The following GYS2 variants were observed in gnomAD, a reference collection of about 807,000 sequenced individuals.
The protein encoded by GYS2 is glycogen synthase 2.
GYS2 carries 80 observed loss-of-function variants against 85.6 expected under a neutral mutation model. The ratio of observed to expected loss-of-function variants is 0.93; its 90% CI spans 0.78 to 1.13. The LOEUF is 1.13. Among genes scored for constraint, GYS2 ranks in the 50% most tolerant of loss-of-function variants. The pLI is 0.00. For missense variants in GYS2, 881 were observed against 854.9 expected (o/e 1.03, Z -0.38); for synonymous variants, 328 against 300.7 (o/e 1.09, Z -0.94).
intron 4 of GYS2, among the ~76,000 whole-genome samples, chr12:21,572,760 T>C (rs1054028772): frequency 2.0e-5 from 3 of 152,170 alleles, no homozygotes; most frequent in Non-Finnish European, 2.9e-5. Flanking sequence ...ATGCATTTCT[T>C]CCTTAAAACC....
intron 13 of GYS2, among the ~76,000 whole-genome samples, chr12:21,541,292 C>A (rs3741840): frequency 0.61 from 63,969 of 104,338 alleles, 20,905 homozygotes; most frequent in East Asian, 0.77. Context: ...AAAAAAAAAA[C>A]AAAAAACCCA....
At chr12:21,570,298 A>G (rs2136896697) in intron 4 of GYS2, among the ~76,000 whole-genome samples, 1 of 152,350 alleles carries the variant, frequency 6.6e-6, no homozygotes, top group South Asian at 2.1e-4. Context: ...AACTTTTTTG[A>G]GCAATTTATG....
intron 1 of GYS2, among the ~76,000 whole-genome samples, chr12:21,594,791 C>T (rs1944677421): frequency 2.6e-5 from 4 of 152,216 alleles, no homozygotes; most frequent in Admixed American, 6.5e-5. Flanking sequence ...TAGCCAAAGT[C>T]ATCCTGTGAA....
chr12:21,577,471 C>T (rs1267100562), intron 2 of GYS2, among the ~76,000 whole-genome samples: 1 of 152,198 alleles, frequency 6.6e-6, no homozygotes, highest in African/African-American at 2.4e-5. Flanking sequence ...TGAGACCAGT[C>T]AGTTCCATTG....
intron 1 of GYS2, among the ~76,000 whole-genome samples, chr12:21,603,853 G>A (rs955107669): frequency 3.3e-5 from 5 of 151,992 alleles, no homozygotes; most frequent in Non-Finnish European, 5.9e-5. Context: ...CAGCACAGAT[G>A]AGGTTATACC....
chr12:21,567,972 C>T (rs1944341872), intron 5 of GYS2, among the ~76,000 whole-genome samples: 1 of 151,680 alleles, frequency 6.6e-6, no homozygotes, highest in Admixed American at 6.6e-5. Context: ...ACTCGAGAGG[C>T]TGAGGCAGAG....
At chr12:21,577,909 G>A (rs975060779) in intron 2 of GYS2, among the ~76,000 whole-genome samples, 3 of 152,060 alleles carry the variant, frequency 2.0e-5, no homozygotes, top group African/African-American at 7.2e-5. Context: ...CAAAGATAAG[G>A]TTACTTTTTG....
chr12:21,579,585 T>C (rs1944485750), intron 2 of GYS2, among the ~76,000 whole-genome samples: 1 of 152,140 alleles, frequency 6.6e-6, no homozygotes, highest in South Asian at 2.1e-4. Context: ...GGTCTTGAAC[T>C]TCTGACCTCA....
At chr12:21,539,667 T>C (rs959798796) in intron 14 of GYS2, among the ~76,000 whole-genome samples, 1 of 152,142 alleles carries the variant, frequency 6.6e-6, no homozygotes, top group Non-Finnish European at 1.5e-5. Flanking sequence ...AGATAGGGCC[T>C]GAATATTCAG....
intron 12 of GYS2, among the ~76,000 whole-genome samples, chr12:21,545,646 C>T (rs1252227353): frequency 1.3e-5 from 2 of 151,816 alleles, no homozygotes; most frequent in East Asian, 3.9e-4. Flanking sequence ...CCAGTTCGGT[C>T]CAGAAAAGAA....
chr12:21,556,001 ATCATGAGGTCTTCCTAC>A (rs1944174631), intron 11 of GYS2, among the ~76,000 whole-genome samples: 1 of 152,208 alleles, frequency 6.6e-6, no homozygotes, highest in Admixed American at 6.5e-5. Context: ...TTAATGCTGT[ATCATGAGGTCTTCCTAC>A]AATTAAGAAA....
intron 5 of GYS2, among the ~76,000 whole-genome samples, chr12:21,567,426 AG>A (rs1256270893): frequency 6.6e-6 from 1 of 152,140 alleles, no homozygotes; most frequent in East Asian, 1.9e-4. Context: ...GAAGAATGAG[AG>A]TAAGAATCCA....
chr12:21,549,177 G>C (rs1379924770), intron 11 of GYS2, among the ~76,000 whole-genome samples: 1 of 152,142 alleles, frequency 6.6e-6, no homozygotes, highest in African/African-American at 2.4e-5. Flanking sequence ...CTAACTCTGT[G>C]AATGAATTAT....
At chr12:21,539,487 G>A (rs774791090) in intron 14 of GYS2, 149 bp from the exon 15 acceptor site, 100 of 674,442 alleles carry the variant, frequency 1.5e-4, no homozygotes, top group Non-Finnish European at 2.4e-4. Flanking sequence ...TGAGACTCAG[G>A]AAAGAAATTA....
In GYS2 at chr12:21,574,255, GA is replaced by G; in HGVS notation, c.566del (p.Ile189ThrfsTer73). On this transcript the variant is annotated frameshift_variant, in exon 4 of 16. Coordinates refer to ENST00000261195, the MANE Select transcript of GYS2 (RefSeq NM_021957.4). LOFTEE classifies it high-confidence loss of function. The stretch of plus-strand genomic sequence containing the variant: ...TAGGAAGTTTCCTGGCTCGAGAAAG[GA>G]TCAGTCCAATTCCAGCCTGCCATTC... The part of the protein sequence containing the change: ...FHEWQAGIGL[I>X]LSRARKLPIA... 1 of 1,613,586 alleles carries G rather than the reference GA, an allele frequency of 6.2e-7. No individual in the cohort carries two copies. Among genetic ancestry groups the G allele is most frequent in the Admixed American group, 1.7e-5 (1 of 60,008 alleles).
chr12:21,562,609 A>G (rs117008150), intron 7 of GYS2, among the ~76,000 whole-genome samples: 3,152 of 144,412 alleles, frequency 0.022, 65 homozygotes, highest in Non-Finnish European at 0.03. Flanking sequence ...TGTGAGGGAA[A>G]AGGGATGTTA....
chr12:21,534,275 C>A (rs1943890965), downstream of GYS2, among the ~76,000 whole-genome samples: 1 of 152,218 alleles, frequency 6.6e-6, no homozygotes, highest in Middle Eastern at 3.4e-3. Flanking sequence ...CTTTGGGAGG[C>A]CAAGGTGGGC....
At position 21,542,479 on chromosome 12, in the gene GYS2, A is replaced by G. The variant is rs751648265; in HGVS notation, c.1645+17T>C. On this transcript the variant is annotated intron_variant, in intron 13 of 15. Coordinates refer to ENST00000261195, the MANE Select transcript of GYS2 (RefSeq NM_021957.4). ...GGTCATGTCTCCCCAGCATGGGTTA[A>G]TGATGAAAACCCTCACCGTAAGCAG... The G allele has an allele frequency of 4.6e-6, 7 of 1,537,430 alleles. No homozygotes were observed. Among genetic ancestry groups the G allele is most frequent in the Non-Finnish European group, 6.3e-6 (7 of 1,109,900 alleles).
intron 1 of GYS2, among the ~76,000 whole-genome samples, chr12:21,585,215 A>G (rs1944559049): frequency 6.6e-6 from 1 of 152,188 alleles, no homozygotes; most frequent in Non-Finnish European, 1.5e-5. Context: ...CTGCTGGCTT[A>G]GAGGTCTTAG....
Sources: allele counts gnomAD v4.1 joint callset (sites outside exome capture counted in the v4.1 genomes callset), GRCh38; gene constraint gnomAD v4.1.1; transcripts MANE v1.5; gene names NCBI Gene and HGNC (gene_info 2026-07-23, HGNC 2026-07-21).